The following KCNT2 variants were observed in gnomAD, a reference collection of about 807,000 sequenced individuals.
KCNT2 encodes the protein potassium sodium-activated channel subfamily T member 2, also known as potassium channel subfamily T member 2.
Under a neutral mutation model 153.8 loss-of-function variants are expected in KCNT2, and 67 were observed. That is an observed-to-expected ratio of 0.44 (90% CI 0.36 to 0.53). The LOEUF (loss-of-function observed/expected upper bound fraction) is 0.53. Among genes scored for constraint, KCNT2 ranks in the 20% least tolerant of loss-of-function variants. The probability of loss-of-function intolerance (pLI) is 0.00; values close to 1 mark genes in which losing one functional copy is unlikely to be tolerated. For missense variants in KCNT2, 975 were observed against 1,354.8 expected, an observed-to-expected ratio of 0.72 and a Z score of 4.40; for synonymous variants, 500 against 458.8, an observed-to-expected ratio of 1.09 and a Z score of -1.15.
At chr1:196,428,316 A>C (rs1203203726) in intron 9 of KCNT2, 47 bp from the exon 10 acceptor site, 1 of 1,367,318 alleles carries the variant, frequency 7.3e-7, no homozygotes. Flanking sequence ...GTAAGGAAAT[A>C]AATAAATCAA....
At chr1:196,465,256 T>C in intron 8 of KCNT2, 37 bp downstream of exon 8, 2 of 1,072,902 alleles carry the variant, frequency 1.9e-6, no homozygotes, top group Admixed American at 2.1e-5. Flanking sequence ...TATAATTAAA[T>C]GAAACATAAC....
At chr1:196,412,003 C>T (rs1382434687) in intron 12 of KCNT2, among the ~76,000 whole-genome samples, 1 of 151,668 alleles carries the variant, frequency 6.6e-6, no homozygotes, top group African/African-American at 2.4e-5. Context: ...GCATGTTGAA[C>T]CATTTTTGCA....
At chr1:196,476,820 A>G (rs955364272) in intron 5 of KCNT2, among the ~76,000 whole-genome samples, 1 of 152,202 alleles carries the variant, frequency 6.6e-6, no homozygotes, top group East Asian at 1.9e-4. Flanking sequence ...TCCTTGCTTC[A>G]TCCTACTGCT....
chr1:196,576,269 T>C (rs1661378352), intron 1 of KCNT2, among the ~76,000 whole-genome samples: 1 of 151,896 alleles, frequency 6.6e-6, no homozygotes, highest in South Asian at 2.1e-4. Context: ...CAAAAGCCAG[T>C]TTTTTTGTTC....
intron 18 of KCNT2, among the ~76,000 whole-genome samples, chr1:196,330,037 A>G (rs2148093185): frequency 7.0e-6 from 1 of 143,728 alleles, no homozygotes; most frequent in East Asian, 2.0e-4. Flanking sequence ...TCTCATTTGA[A>G]TGAAAGCAAT....
Position 196,425,853 on chromosome 1 carries a change from T to C in KCNT2, c.1120A>G (p.Lys374Glu). The C allele has an allele frequency of 6.2e-7, 1 of 1,611,790 alleles. No homozygotes were observed. Among genetic ancestry groups the C allele is most frequent in the Non-Finnish European group, 8.5e-7 (1 of 1,178,630 alleles). ...AAGATGAAAGGCAGGGATACCTACT[T>C]TGCTCTCAATAGGTCTTGATCTTTA... ...ALKDQDLLRA[K>E]MDDAEACFIL... is the part of the protein sequence containing the mutation. The change falls in exon 11 of 28, where the codon AAG becomes GAG. Residue 374 changes from lysine to glutamate, a missense_variant and splice_region_variant. By Grantham distance (56) the Lys-to-Glu change is moderately conservative. Coordinates refer to ENST00000294725, the MANE Select transcript of KCNT2 (RefSeq NM_198503.5).
chr1:196,446,022 T>A (rs1477019333), intron 8 of KCNT2, among the ~76,000 whole-genome samples: 1 of 151,440 alleles, frequency 6.6e-6, no homozygotes, highest in East Asian at 1.9e-4. Flanking sequence ...CTGGAAAACA[T>A]AGTCTGTGTT....
intron 1 of KCNT2, among the ~76,000 whole-genome samples, chr1:196,607,234 C>G (rs1360143): frequency 0.78 from 118,253 of 152,148 alleles, 49,461 homozygotes; most frequent in East Asian, 0.97. Flanking sequence ...AATAGCACAT[C>G]AATACTAAAC....
At chr1:196,231,398 T>G (rs1272020442) in intron 27 of KCNT2, among the ~76,000 whole-genome samples, 1 of 151,820 alleles carries the variant, frequency 6.6e-6, no homozygotes, top group Non-Finnish European at 1.5e-5. Context: ...TGACTGCTTC[T>G]TGAGCACCTG....
rs774233172 is a variant in KCNT2, at chr1:196,340,484, G to T, written c.1640C>A (p.Thr547Lys). 1 of 1,611,450 alleles carries T rather than the reference G, an allele frequency of 6.2e-7. No individual in the cohort carries two copies. The highest frequency in any genetic ancestry group is 8.5e-7 in the Non-Finnish European group (1 of 1,178,244). The change falls in exon 16 of 28, where the codon ACA (threonine) becomes AAA (lysine). Residue 547 changes from threonine (T) to lysine (K), a missense_variant. By Grantham distance (78) the Thr-to-Lys change is moderately conservative (BLOSUM62 -1). Coordinates refer to ENST00000294725, the MANE Select transcript of KCNT2 (RefSeq NM_198503.5). ...NPGPRYIMNS[T>K]DICFYINITK... is the part of the protein sequence containing the mutation. Reference sequence around the variant, plus strand: ...AATATTAATATAAAAGCATATGTCTGTAGAATTCATAATGTATCGAGGACC... The same window carrying T: ...AATATTAATATAAAAGCATATGTCTTTAGAATTCATAATGTATCGAGGACC...
At chr1:196,456,990 C>A (rs1474579567) in intron 8 of KCNT2, among the ~76,000 whole-genome samples, 1 of 151,850 alleles carries the variant, frequency 6.6e-6, no homozygotes, top group South Asian at 2.1e-4. Flanking sequence ...TTGTATTTTC[C>A]AGTCAAAACA....
chr1:196,323,381 CT>C (rs1663523800), intron 19 of KCNT2, among the ~76,000 whole-genome samples: 1 of 151,818 alleles, frequency 6.6e-6, no homozygotes, highest in African/African-American at 2.4e-5. Flanking sequence ...GCTTTTCTAT[CT>C]TTCACATGAG....
At chr1:196,417,046 G>GTCT (rs892494965) in intron 12 of KCNT2, among the ~76,000 whole-genome samples, 15 of 151,848 alleles carry the variant, frequency 9.9e-5, no homozygotes, top group Non-Finnish European at 5.9e-5. Flanking sequence ...TTCACTTAAC[G>GTCT]TAAGTAAATG....
intron 21 of KCNT2, among the ~76,000 whole-genome samples, chr1:196,315,106 T>C (rs1662576839): frequency 6.6e-6 from 1 of 151,680 alleles, no homozygotes; most frequent in Admixed American, 6.6e-5. Flanking sequence ...AGTATGAAAG[T>C]GGAGTGAACA....
chr1:196,451,173 A>AAATAT (rs981153460), intron 8 of KCNT2, among the ~76,000 whole-genome samples: 4 of 150,000 alleles, frequency 2.7e-5, no homozygotes, highest in African/African-American at 9.8e-5. Flanking sequence ...CTGAATTAAT[A>AAATAT]AATATTCGCA....
intron 1 of KCNT2, among the ~76,000 whole-genome samples, chr1:196,502,919 G>A (rs1005432537): frequency 1.1e-4 from 17 of 151,924 alleles, no homozygotes; most frequent in South Asian, 2.1e-4. Context: ...TTTGTCATTC[G>A]TAAATTGCAA....
chr1:196,278,245 T>C (rs1240353167), intron 25 of KCNT2, among the ~76,000 whole-genome samples: 1 of 152,152 alleles, frequency 6.6e-6, no homozygotes, highest in African/African-American at 2.4e-5. Context: ...GCTAGTACAG[T>C]AACACTAACT....
intron 8 of KCNT2, among the ~76,000 whole-genome samples, chr1:196,462,698 T>G (rs1271123085): frequency 6.6e-6 from 1 of 151,764 alleles, no homozygotes; most frequent in Non-Finnish European, 1.5e-5. Context: ...AATAACCTTA[T>G]AGAGTGATTA....
At chr1:196,557,347 T>C (rs1487139423) in intron 1 of KCNT2, among the ~76,000 whole-genome samples, 3 of 151,296 alleles carry the variant, frequency 2.0e-5, no homozygotes, top group Non-Finnish European at 4.4e-5. Flanking sequence ...TGGTACAAAA[T>C]TCAACTTTTC....
Sources: gnomAD v4.1 joint callset for allele counts (sites outside exome capture counted in the v4.1 genomes callset) on GRCh38, gnomAD v4.1.1 for gene constraint, MANE v1.5 for transcripts, NCBI Gene and HGNC (gene_info 2026-07-23, HGNC 2026-07-21) for gene names.